CREB5: variants seen among roughly 807,000 people sequenced by gnomAD.
CREB5 encodes cyclic AMP-responsive element-binding protein 5.
Under a neutral mutation model 57.1 loss-of-function variants are expected in CREB5, and 19 were observed. The observed-to-expected ratio is 0.33, with a 90% confidence interval of 0.23 to 0.49. The LOEUF (loss-of-function observed/expected upper bound fraction) is 0.49. Ranked by LOEUF, CREB5 falls within the 20% of genes least tolerant of loss-of-function variation. CREB5 has a pLI of 0.99. For synonymous variants in CREB5, 238 were observed against 238.3 expected (o/e 1.00, Z 0.01); for missense variants, 579 against 671.6 (o/e 0.86, Z 1.52).
At chr7:28,504,994 G>A (rs534255230) in intron 3 of CREB5, among the ~76,000 whole-genome samples, 3 of 152,280 alleles carry the variant, frequency 2.0e-5, no homozygotes, top group Non-Finnish European at 2.9e-5. Context: ...GAGACTACTT[G>A]TGGATCGATC....
chr7:28,643,754 G>GA (rs1554279440), intron 5 of CREB5, among the ~76,000 whole-genome samples: 1 of 91,516 alleles, frequency 1.1e-5, no homozygotes, highest in Admixed American at 1.3e-4. Flanking sequence ...TGGGAGGTGG[G>GA]GGGGGGCGGA....
intron 4 of CREB5, among the ~76,000 whole-genome samples, chr7:28,543,147 A>T (rs1794271332): frequency 6.6e-6 from 1 of 152,134 alleles, no homozygotes; most frequent in African/African-American, 2.4e-5. Flanking sequence ...TTTGTGTTAT[A>T]TGGAACAAAT....
chr7:28,558,629 G>A (rs1235622590), intron 4 of CREB5, among the ~76,000 whole-genome samples: 1 of 152,104 alleles, frequency 6.6e-6, no homozygotes, highest in African/African-American at 2.4e-5. Context: ...TTTCAACTTA[G>A]CCAGCCCTAC....
chr7:28,648,619 G>A lies in CREB5; in HGVS notation c.465-70134G>A, dbSNP rs141367021. ...TAGCTGGGCTTGCTGGTGCATGCCC[G>A]TAGTCTCAGCTGCTCAAGAGGCTGA... On this transcript the variant is annotated intron_variant, in intron 5 of 10. Coordinates refer to ENST00000357727, the MANE Select transcript of CREB5 (RefSeq NM_182898.4). Among the ~76,000 whole-genome samples the A allele has an allele frequency of 1.9e-3, 287 of 152,150 alleles. 1 individual carries two copies. The highest frequency in any genetic ancestry group is 2.9e-3 in the Non-Finnish European group (197 of 68,000).
At chr7:28,587,375 T>C (rs1796341093) in intron 5 of CREB5, among the ~76,000 whole-genome samples, 1 of 152,060 alleles carries the variant, frequency 6.6e-6, no homozygotes. Flanking sequence ...TGCAGTGGGA[T>C]TTTTCTGGGT....
At chr7:28,455,667 A>C (rs1373213999) in intron 1 of CREB5, among the ~76,000 whole-genome samples, 1 of 151,612 alleles carries the variant, frequency 6.6e-6, no homozygotes, top group Admixed American at 6.6e-5. Flanking sequence ...TGGGGCTTTG[A>C]TGCTTCATGG....
chr7:28,393,816 T>G (rs1225368750), intron 1 of CREB5, among the ~76,000 whole-genome samples: 3 of 152,128 alleles, frequency 2.0e-5, no homozygotes, highest in African/African-American at 7.2e-5. Context: ...GGCTCACGCC[T>G]GTAATCCCAG....
intron 1 of CREB5, among the ~76,000 whole-genome samples, chr7:28,394,865 G>T (rs1216913786): frequency 1.3e-5 from 2 of 152,074 alleles, no homozygotes; most frequent in East Asian, 3.9e-4. Context: ...TATAAAGAAA[G>T]AATAAAATAA....
intron 1 of CREB5, among the ~76,000 whole-genome samples, chr7:28,302,378 T>G (rs1399197578): frequency 6.6e-6 from 1 of 152,236 alleles, no homozygotes; most frequent in Non-Finnish European, 1.5e-5. Flanking sequence ...GTTCAAATGA[T>G]TCACACATGT....
intron 7 of CREB5, among the ~76,000 whole-genome samples, chr7:28,725,359 G>A (rs145777982): frequency 7.9e-4 from 120 of 152,218 alleles, no homozygotes; most frequent in Middle Eastern, 3.4e-3. Context: ...GAAACTTCAC[G>A]CATTTGACTT....
intron 1 of CREB5, among the ~76,000 whole-genome samples, chr7:28,352,286 T>C (rs1358535326): frequency 1.3e-5 from 2 of 152,180 alleles, no homozygotes; most frequent in Non-Finnish European, 2.9e-5. Flanking sequence ...TTCCTTGGCA[T>C]GGAAGAGTCC....
At chr7:28,800,944 G>GAGTT (rs1562650228) in intron 7 of CREB5, among the ~76,000 whole-genome samples, 1 of 152,202 alleles carries the variant, frequency 6.6e-6, no homozygotes, top group Non-Finnish European at 1.5e-5. Context: ...ACAGGCTTTG[G>GAGTT]AGTTAGAGTG....
intron 5 of CREB5, among the ~76,000 whole-genome samples, chr7:28,640,672 A>C (rs999037234): frequency 9.2e-5 from 14 of 152,192 alleles, no homozygotes; most frequent in African/African-American, 3.4e-4. Flanking sequence ...TGCTGGAAGA[A>C]AATGAGCCTG....
intron 1 of CREB5, among the ~76,000 whole-genome samples, chr7:28,422,708 A>G (rs1046195938): frequency 1.3e-5 from 2 of 152,218 alleles, no homozygotes; most frequent in African/African-American, 4.8e-5. Flanking sequence ...TGGTGCATAC[A>G]TTACATGTAT....
At chr7:28,783,686 G>C (rs144229096) in intron 7 of CREB5, among the ~76,000 whole-genome samples, 6 of 152,220 alleles carry the variant, frequency 3.9e-5, no homozygotes, top group Non-Finnish European at 5.9e-5. Flanking sequence ...AGGGGCCTTG[G>C]GGGGAGACCT....
chr7:28,346,144 A>T (rs868156616), intron 1 of CREB5, among the ~76,000 whole-genome samples: 2 of 152,206 alleles, frequency 1.3e-5, no homozygotes, highest in Admixed American at 6.5e-5. Context: ...AAGCAATTGG[A>T]ATATCGAGCA....
At chr7:28,533,145 G>A (rs1249040400) in intron 4 of CREB5, among the ~76,000 whole-genome samples, 1 of 152,078 alleles carries the variant, frequency 6.6e-6, no homozygotes, top group East Asian at 1.9e-4. Context: ...GGCGGAGGTA[G>A]CAGTGAGCCG....
rs376109729 is a variant in CREB5 at position 28,472,138 on chromosome 7, T to C, written c.4-16037T>C. Among the ~76,000 whole-genome samples, 5 of 139,408 alleles carry C rather than the reference T, an allele frequency of 3.6e-5. No homozygotes were observed. In the South Asian group the frequency reaches 7.1e-4, roughly 20 times the overall value. 91.5% of individuals were successfully genotyped at this position (139,408 alleles called of 152,430 possible). ...TAGCCACTAAACCCAAAATACGTCA[T>C]CTTATAGTCAAAGCAAAAAAAAAAA... On this transcript the variant is annotated intron_variant, in intron 1 of 10. Coordinates refer to ENST00000357727, the MANE Select transcript of CREB5 (RefSeq NM_182898.4).
intron 5 of CREB5, among the ~76,000 whole-genome samples, chr7:28,604,185 T>G (rs539579735): frequency 6.6e-6 from 1 of 152,294 alleles, no homozygotes; most frequent in South Asian, 2.1e-4. Context: ...TCAAGAACTA[T>G]TTGTGAAGTA....
Sources: allele counts gnomAD v4.1 joint callset (sites outside exome capture counted in the v4.1 genomes callset), GRCh38; gene constraint gnomAD v4.1.1; transcripts MANE v1.5; gene names NCBI Gene and HGNC (gene_info 2026-07-23, HGNC 2026-07-21).